HELZ: variants seen among roughly 807,000 people sequenced by gnomAD.
HELZ encodes helicase with zinc finger, also known as ATP-dependent RNA helicase with zinc finger domain.
A neutral mutation model predicts 218.2 loss-of-function variants in HELZ; 23 were observed. The ratio of observed to expected loss-of-function variants is 0.11; its 90% CI spans 0.08 to 0.15. The LOEUF is 0.15. HELZ is among the 10% of genes least tolerant of loss of function. The pLI, the probability that HELZ is intolerant of heterozygous loss-of-function variation, is 1.00. For missense variants in HELZ, 1,813 were observed against 2,353.7 expected, an observed-to-expected ratio of 0.77 and a Z score of 4.75; for synonymous variants, 814 against 829.4, an observed-to-expected ratio of 0.98 and a Z score of 0.32.
chr17:67,224,505 T>C (rs1163930086), intron 3 of HELZ: 1 of 292,052 alleles, frequency 3.4e-6, no homozygotes, highest in East Asian at 8.1e-5. Flanking sequence ...ACAGTCTTAA[T>C]TTAGATAATC....
chr17:67,103,533 C>G (rs1766500967), intron 31 of HELZ, among the ~76,000 whole-genome samples: 1 of 152,104 alleles, frequency 6.6e-6, no homozygotes, highest in South Asian at 2.1e-4. Flanking sequence ...ATAAATTTAA[C>G]AAAAGAAGTG....
At chr17:67,126,678 G>C (rs946554247) in intron 24 of HELZ, among the ~76,000 whole-genome samples, 2 of 142,270 alleles carry the variant, frequency 1.4e-5, no homozygotes, top group Non-Finnish European at 3.0e-5. Context: ...ATGAAACCCT[G>C]TCCTGCTAAA....
chr17:67,170,736 A>G (rs1477726098), intron 13 of HELZ, among the ~76,000 whole-genome samples: 2 of 151,798 alleles, frequency 1.3e-5, no homozygotes, highest in African/African-American at 4.8e-5. Flanking sequence ...CTGAGGAAGG[A>G]GAATCACTTA....
chr17:67,131,933 C>T (rs1488397055), intron 23 of HELZ, among the ~76,000 whole-genome samples: 1 of 152,084 alleles, frequency 6.6e-6, no homozygotes, highest in African/African-American at 2.4e-5. Context: ...ATTGACAGAT[C>T]ACAATAGAAT....
intron 12 of HELZ, among the ~76,000 whole-genome samples, chr17:67,187,724 A>G (rs1429621967): frequency 6.6e-6 from 1 of 152,210 alleles, no homozygotes; most frequent in African/African-American, 2.4e-5. Context: ...AGATATAGGC[A>G]ATAAATTGAC....
At chr17:67,128,583 T>C in intron 24 of HELZ, 68 bp downstream of exon 24, 1 of 1,366,182 alleles carries the variant, frequency 7.3e-7, no homozygotes, top group Non-Finnish European at 1.0e-6. Flanking sequence ...TGCATCCCAA[T>C]AAACCTTTGG....
chr17:67,231,145 A>C (rs965684000), intron 3 of HELZ, among the ~76,000 whole-genome samples: 1 of 152,148 alleles, frequency 6.6e-6, no homozygotes, highest in Non-Finnish European at 1.5e-5. Context: ...GTCATGAAAA[A>C]CAAAGTCTGA....
chr17:67,160,810 G>A, intron 16 of HELZ, 87 bp downstream of exon 16: 2 of 955,712 alleles, frequency 2.1e-6, no homozygotes, highest in Non-Finnish European at 3.0e-6. Context: ...CATGAAAACT[G>A]TCTTGCTAGC....
chr17:67,111,108 A>T (rs1462352592), intron 28 of HELZ, among the ~76,000 whole-genome samples: 1 of 152,238 alleles, frequency 6.6e-6, no homozygotes, highest in Admixed American at 6.5e-5. Flanking sequence ...GTGTACGCAG[A>T]GCTATAACTT....
chr17:67,154,413 A>C (rs999041833), intron 17 of HELZ, among the ~76,000 whole-genome samples: 1 of 152,214 alleles, frequency 6.6e-6, no homozygotes, highest in African/African-American at 2.4e-5. Flanking sequence ...TGGGTTACAG[A>C]GTGAGACTCT....
intron 12 of HELZ, among the ~76,000 whole-genome samples, chr17:67,181,345 T>C (rs1355287065): frequency 6.6e-6 from 1 of 152,206 alleles, no homozygotes; most frequent in Admixed American, 6.5e-5. Flanking sequence ...TTCACCTACC[T>C]AATATACAAA....
intron 21 of HELZ, among the ~76,000 whole-genome samples, chr17:67,145,301 A>C (rs2144006833): frequency 1.3e-5 from 2 of 152,274 alleles, no homozygotes; most frequent in South Asian, 4.2e-4. Flanking sequence ...AGAATTATAT[A>C]AGTTGGAGCA....
chr17:67,173,044 G>A, intron 13 of HELZ: 6 of 982,924 alleles, frequency 6.1e-6, no homozygotes, highest in Non-Finnish European at 7.2e-6. Flanking sequence ...CATTGGTTGT[G>A]TCTTGCAACA....
intron 3 of HELZ, among the ~76,000 whole-genome samples, chr17:67,236,007 G>A (rs575189577): frequency 2.5e-3 from 384 of 152,030 alleles, no homozygotes; most frequent in Non-Finnish European, 4.4e-3. Context: ...TGATCCGCCC[G>A]CCTTGGCCTC....
intron 31 of HELZ, among the ~76,000 whole-genome samples, chr17:67,091,755 T>C (rs1200037780): frequency 6.6e-6 from 1 of 152,354 alleles, no homozygotes; most frequent in Admixed American, 6.5e-5. Context: ...GACACTCTTA[T>C]AATATCAGAT....
rs751114857 is a variant in HELZ, at chr17:67,086,825, T to G, written c.5494+4A>C. 6 of 1,613,350 alleles carry G rather than the reference T, an allele frequency of 3.7e-6. No individual in the cohort carries two copies. The South Asian group carries it at 6.6e-5, about 18-fold the overall frequency. ...ATTAGTTTTAGCCACCAACTCTGTC[T>G]TACCTATCAACTCTCTGGGCTGAGC... On this transcript the variant is annotated splice_donor_region_variant and intron_variant, in intron 32 of 32. Transcript: ENST00000358691.
intron 3 of HELZ, among the ~76,000 whole-genome samples, chr17:67,232,018 A>G (rs2041050091): frequency 7.1e-6 from 1 of 141,262 alleles, no homozygotes; most frequent in Non-Finnish European, 1.5e-5. Flanking sequence ...ACACCATTGT[A>G]CTCTAGCCTG....
chr17:67,227,087 TGTTA>T (rs2040913603), intron 3 of HELZ, among the ~76,000 whole-genome samples: 2 of 152,154 alleles, frequency 1.3e-5, no homozygotes, highest in Non-Finnish European at 2.9e-5. Context: ...ACTAGACATG[TGTTA>T]AATTAGTAAA....
intron 12 of HELZ, 114 bp from the exon 13 acceptor site, chr17:67,179,040 G>T: frequency 1.5e-6 from 1 of 656,796 alleles, no homozygotes; most frequent in Non-Finnish European, 2.5e-6. Context: ...ATATGCTAGA[G>T]CTCAAATTCT....
Sources: gnomAD v4.1 joint callset for allele counts (sites outside exome capture counted in the v4.1 genomes callset) on GRCh38, gnomAD v4.1.1 for gene constraint, MANE v1.5 for transcripts, NCBI Gene and HGNC (gene_info 2026-07-23, HGNC 2026-07-21) for gene names.